Variants in PSMD1 observed in about 807,000 individuals in gnomAD.
PSMD1 encodes 26S proteasome non-ATPase regulatory subunit 1.
A neutral mutation model predicts 119.0 loss-of-function variants in PSMD1; 18 were observed. The observed-to-expected ratio is 0.15, with a 90% confidence interval of 0.10 to 0.22. The LOEUF is 0.22. Ranked by LOEUF, PSMD1 falls within the 10% of genes least tolerant of loss-of-function variation. The probability of loss-of-function intolerance (pLI) is 1.00; values close to 1 mark genes in which losing one functional copy is unlikely to be tolerated. For synonymous variants in PSMD1, 374 were observed against 396.6 expected, an observed-to-expected ratio of 0.94 and a Z score of 0.68; for missense variants, 702 against 1,158.5, an observed-to-expected ratio of 0.61 and a Z score of 5.72.
intron 16 of PSMD1, among the ~76,000 whole-genome samples, chr2:231,094,480 C>CT (rs1694679174): frequency 6.6e-6 from 1 of 152,070 alleles, no homozygotes; most frequent in African/African-American, 2.4e-5. Flanking sequence ...CGAGAATGGA[C>CT]TTGAGGGCTG....
chr2:231,068,887 GA>G (rs940853481), intron 5 of PSMD1, among the ~76,000 whole-genome samples: 4 of 151,936 alleles, frequency 2.6e-5, no homozygotes, highest in African/African-American at 9.7e-5. Flanking sequence ...AATAAGGAAA[GA>G]AAAAAAATTG....
chr2:231,093,354 C>T (rs1421372903), intron 16 of PSMD1, among the ~76,000 whole-genome samples: 1 of 152,182 alleles, frequency 6.6e-6, no homozygotes, highest in Non-Finnish European at 1.5e-5. Context: ...GCAGGATTCG[C>T]TCAGCCTCCT....
At chr2:231,083,473 A>C (rs1431849303) in intron 13 of PSMD1, 94 bp from the exon 14 acceptor site, 37 of 1,306,346 alleles carry the variant, frequency 2.8e-5, no homozygotes, top group Non-Finnish European at 3.8e-5. Flanking sequence ...GATTTTTTTG[A>C]TAGTTTATGC....
intron 16 of PSMD1, among the ~76,000 whole-genome samples, chr2:231,092,629 C>T (rs947797300): frequency 6.6e-6 from 1 of 152,114 alleles, no homozygotes; most frequent in Non-Finnish European, 1.5e-5. Flanking sequence ...TGATTGATGC[C>T]ACGATGGATG....
At chr2:231,102,652 AC>A (rs1316884087) in intron 16 of PSMD1, among the ~76,000 whole-genome samples, 1 of 152,048 alleles carries the variant, frequency 6.6e-6, no homozygotes, top group Non-Finnish European at 1.5e-5. Context: ...CATTGTCCTC[AC>A]ATTGGGTTGG....
chr2:231,163,456 G>A (rs1696685676), intron 20 of PSMD1, 179 bp from the exon 21 acceptor site: 2 of 528,222 alleles, frequency 3.8e-6, no homozygotes, highest in East Asian at 2.9e-5. Context: ...AGAACTGCAG[G>A]TAATTCTGTA....
chr2:231,145,093 T>A (rs1696221989), intron 17 of PSMD1, among the ~76,000 whole-genome samples: 1 of 152,242 alleles, frequency 6.6e-6, no homozygotes, highest in Non-Finnish European at 1.5e-5. Context: ...ACGTAGTTGT[T>A]AATTAACTTC....
intron 8 of PSMD1, among the ~76,000 whole-genome samples, chr2:231,076,490 A>G (rs1694169801): frequency 6.6e-6 from 1 of 152,172 alleles, no homozygotes; most frequent in African/African-American, 2.4e-5. Flanking sequence ...AACATGGCAA[A>G]ACCCCGTCTC....
chr2:231,096,673 C>T (rs565221832), intron 16 of PSMD1, among the ~76,000 whole-genome samples: 18 of 152,304 alleles, frequency 1.2e-4, no homozygotes, highest in African/African-American at 2.6e-4. Flanking sequence ...TAGAAGGGTG[C>T]GCCCTTACAG....
chr2:231,070,736 T>G (rs1694023216), intron 6 of PSMD1, among the ~76,000 whole-genome samples: 1 of 152,132 alleles, frequency 6.6e-6, no homozygotes, highest in African/African-American at 2.4e-5. Flanking sequence ...CCCTACTTAT[T>G]CACACATGTG....
chr2:231,160,655 A>G (rs974704982), intron 19 of PSMD1, among the ~76,000 whole-genome samples: 1 of 152,232 alleles, frequency 6.6e-6, no homozygotes, highest in African/African-American at 2.4e-5. Flanking sequence ...CTTTTTATTA[A>G]CACATGAAAA....
At position 231,123,701 on chromosome 2, in the gene PSMD1, T is replaced by C. The variant is rs750455684; in HGVS notation, c.1884-15035T>C. ...TTAGAAGAGATAACGTGAACAAAGG[T>C]GCTCTGCAAAATGTGCTCAGGAATT... On this transcript the variant is annotated intron_variant, in intron 16 of 24. Coordinates refer to ENST00000308696, the MANE Select transcript of PSMD1 (RefSeq NM_002807.4). 1.9e-6 allele frequency: 3 copies of C among 1,614,094 alleles called. No individual in the cohort carries two copies. In the East Asian group the frequency reaches 6.7e-5, roughly 36 times the overall value.
intron 16 of PSMD1, among the ~76,000 whole-genome samples, chr2:231,100,864 A>G (rs971114435): frequency 3.9e-5 from 6 of 152,194 alleles, no homozygotes; most frequent in African/African-American, 1.4e-4. Flanking sequence ...CACAGTGGGC[A>G]CCAATGACTT....
intron 23 of PSMD1, among the ~76,000 whole-genome samples, chr2:231,167,079 T>G (rs1208416504): frequency 6.6e-6 from 1 of 152,236 alleles, no homozygotes; most frequent in Non-Finnish European, 1.5e-5. Flanking sequence ...GGTTGTTACA[T>G]GTAAAGCACC....
chr2:231,089,983 A>G (rs1156550636), intron 16 of PSMD1, among the ~76,000 whole-genome samples: 1 of 152,210 alleles, frequency 6.6e-6, no homozygotes, highest in African/African-American at 2.4e-5. Context: ...GACACTCAGT[A>G]TTAACCATCA....
At chr2:231,149,794 TAAAAAA>T (rs1696331751) in intron 18 of PSMD1, among the ~76,000 whole-genome samples, 1 of 152,056 alleles carries the variant, frequency 6.6e-6, no homozygotes. Flanking sequence ...TTAGTGGTAA[TAAAAAA>T]GAAAAAGGCT....
intron 6 of PSMD1, among the ~76,000 whole-genome samples, chr2:231,071,904 G>A (rs765055849): frequency 2.6e-5 from 4 of 152,138 alleles, no homozygotes; most frequent in Non-Finnish European, 5.9e-5. Context: ...ATTTAAAGAA[G>A]CCAAGATTCA....
Position 231,082,895 on chromosome 2 carries a change from G to A in PSMD1, c.1426G>A (p.Gly476Ser). The part of the protein sequence containing the change: ...KNASNDIVRH[G>S]GSLGLGLAAM... Reference sequence around the variant, plus strand: ...GTTTTTTCCTTAGATCGTTAGACACGGTGGCAGTCTGGGCCTTGGTTTGGC... The same window carrying A: ...GTTTTTTCCTTAGATCGTTAGACACAGTGGCAGTCTGGGCCTTGGTTTGGC... The change falls in exon 13 of 25, where the codon GGT becomes AGT. Residue 476 changes from glycine (G) to serine (S), a missense_variant. This residue lies in a region of PSMD1 where 272 missense variants were observed against 511.6 expected (regional missense o/e 0.53). Transcript: ENST00000308696. 6.2e-7 allele frequency: 1 copy of A among 1,613,680 alleles called. No homozygotes were observed. Among genetic ancestry groups the A allele is most frequent in the East Asian group, 2.2e-5 (1 of 44,870 alleles).
intron 20 of PSMD1, among the ~76,000 whole-genome samples, chr2:231,161,754 G>T (rs1374154805): frequency 6.6e-6 from 1 of 152,154 alleles, no homozygotes; most frequent in Non-Finnish European, 1.5e-5. Flanking sequence ...GGTGAGAGAG[G>T]GGGCTAAATA....
Sources: allele counts gnomAD v4.1 joint callset (sites outside exome capture counted in the v4.1 genomes callset), GRCh38; gene constraint gnomAD v4.1.1; regional missense constraint gnomAD v4.1.1; transcripts MANE v1.5; gene names NCBI Gene and HGNC (gene_info 2026-07-23, HGNC 2026-07-21).